HS6ST3: variants seen among roughly 807,000 people sequenced by gnomAD.
HS6ST3 encodes the protein heparan sulfate 6-O-sulfotransferase 3.
HS6ST3 carries 12 observed loss-of-function variants against 36.7 expected under a neutral mutation model. That is an observed-to-expected ratio of 0.33 (90% CI 0.21 to 0.53). The LOEUF is 0.53. Ranked by LOEUF, HS6ST3 falls within the 20% of genes least tolerant of loss-of-function variation. The pLI is 0.95. For missense variants in HS6ST3, 584 were observed against 640.9 expected (o/e 0.91, Z 0.96); for synonymous variants, 240 against 257.5 (o/e 0.93, Z 0.65).
chr13:96,498,108 C>G (rs2055986072), intron 1 of HS6ST3, among the ~76,000 whole-genome samples: 1 of 152,172 alleles, frequency 6.6e-6, no homozygotes, highest in African/African-American at 2.4e-5. Flanking sequence ...GAAGAACACA[C>G]AGTGTCCTCG....
At chr13:96,827,485 A>G (rs1246771584) in intron 1 of HS6ST3, among the ~76,000 whole-genome samples, 1 of 152,228 alleles carries the variant, frequency 6.6e-6, no homozygotes, top group Non-Finnish European at 1.5e-5. Flanking sequence ...ATTGAAACAA[A>G]CAAAATGTAC....
chr13:96,276,255 C>G (rs1236582524), intron 1 of HS6ST3, among the ~76,000 whole-genome samples: 1 of 152,150 alleles, frequency 6.6e-6, no homozygotes, highest in Non-Finnish European at 1.5e-5. Flanking sequence ...CTTGTTCCTC[C>G]CTCCAGCCCT....
chr13:96,667,198 C>T (rs2056666980), intron 1 of HS6ST3, among the ~76,000 whole-genome samples: 1 of 152,074 alleles, frequency 6.6e-6, no homozygotes, highest in South Asian at 2.1e-4. Flanking sequence ...AATATTAAAA[C>T]AGAGAAATAG....
At chr13:96,800,169 A>T (rs1278876326) in intron 1 of HS6ST3, among the ~76,000 whole-genome samples, 1 of 150,738 alleles carries the variant, frequency 6.6e-6, no homozygotes. Context: ...TAAGATGCAA[A>T]ATATTATTAC....
At chr13:96,521,097 A>G (rs1336343266) in intron 1 of HS6ST3, among the ~76,000 whole-genome samples, 2 of 152,164 alleles carry the variant, frequency 1.3e-5, no homozygotes, top group East Asian at 1.9e-4. Context: ...TTCTGCATCT[A>G]TTGAGATAAT....
At position 96,314,305 on chromosome 13, in the gene HS6ST3, A is replaced by T. The variant is rs116558465; in HGVS notation, c.707+222736A>T. Among the ~76,000 whole-genome samples the T allele has an allele frequency of 1.6e-3, 246 of 152,302 alleles. 1 individual carries two copies. The highest frequency in any genetic ancestry group is 5.8e-3 in the African/African-American group (243 of 41,552). On this transcript the variant is annotated intron_variant, in intron 1 of 1. Transcript: ENST00000376705. ...ACCCAGATATGAAATCCATTATCTT[A>T]CTTAGTTTCGACAAAGATACTCACA...
chr13:96,426,453 G>A (rs923152292), intron 1 of HS6ST3, among the ~76,000 whole-genome samples: 7 of 152,068 alleles, frequency 4.6e-5, no homozygotes, highest in African/African-American at 1.7e-4. Context: ...GTTTCTTTCT[G>A]TTTCATTCCT....
At chr13:96,299,432 C>T (rs1173435623) in intron 1 of HS6ST3, among the ~76,000 whole-genome samples, 1 of 152,140 alleles carries the variant, frequency 6.6e-6, no homozygotes, top group Non-Finnish European at 1.5e-5. Context: ...CCCACTGGTG[C>T]CACCTGAGCA....
At chr13:96,788,929 G>GT (rs1373758479) in intron 1 of HS6ST3, among the ~76,000 whole-genome samples, 1 of 151,818 alleles carries the variant, frequency 6.6e-6, no homozygotes, top group South Asian at 2.1e-4. Flanking sequence ...ATTTAAAGTA[G>GT]TTTTTTTATA....
intron 1 of HS6ST3, among the ~76,000 whole-genome samples, chr13:96,455,831 T>C (rs1307940421): frequency 4.6e-5 from 7 of 152,360 alleles, no homozygotes; most frequent in Non-Finnish European, 1.5e-5. Context: ...TCAAACTCTT[T>C]GATGCTGGCT....
At chr13:96,460,332 T>C (rs2055777851) in intron 1 of HS6ST3, among the ~76,000 whole-genome samples, 1 of 152,226 alleles carries the variant, frequency 6.6e-6, no homozygotes, top group African/African-American at 2.4e-5. Context: ...ATGTATCTGC[T>C]TCAAATTCTT....
At chr13:96,312,883 CG>C (rs1263105554) in intron 1 of HS6ST3, among the ~76,000 whole-genome samples, 1 of 130,824 alleles carries the variant, frequency 7.6e-6, no homozygotes, top group Non-Finnish European at 1.5e-5. Flanking sequence ...ACTTGGGGGG[CG>C]GAGGTTGCAG....
At chr13:96,759,173 G>A (rs777809925) in intron 1 of HS6ST3, among the ~76,000 whole-genome samples, 4 of 151,438 alleles carry the variant, frequency 2.6e-5, no homozygotes, top group Admixed American at 6.6e-5. Flanking sequence ...ATCCATCTGC[G>A]ACTTATACTT....
chr13:96,343,039 G>A (rs995927531), intron 1 of HS6ST3, among the ~76,000 whole-genome samples: 2 of 152,162 alleles, frequency 1.3e-5, no homozygotes, highest in African/African-American at 2.4e-5. Flanking sequence ...GTGGTGTCAT[G>A]GATACTTTCC....
chr13:96,556,563 T>C (rs1234013124), intron 1 of HS6ST3, among the ~76,000 whole-genome samples: 1 of 152,218 alleles, frequency 6.6e-6, no homozygotes, highest in Non-Finnish European at 1.5e-5. Flanking sequence ...TCATGATGTT[T>C]ACATTTGTCA....
intron 1 of HS6ST3, among the ~76,000 whole-genome samples, chr13:96,804,847 G>C (rs1878159136): frequency 6.6e-6 from 1 of 152,146 alleles, no homozygotes; most frequent in Non-Finnish European, 1.5e-5. Context: ...CACAGGAATT[G>C]TTCCTGCTTT....
chr13:96,616,623 C>T (rs1594819263), intron 1 of HS6ST3, among the ~76,000 whole-genome samples: 2 of 152,246 alleles, frequency 1.3e-5, no homozygotes, highest in Non-Finnish European at 2.9e-5. Context: ...TGCATGAGAA[C>T]ATTGGATCTC....
chr13:96,454,916 G>A (rs1196164015), intron 1 of HS6ST3, among the ~76,000 whole-genome samples: 1 of 149,976 alleles, frequency 6.7e-6, no homozygotes, highest in East Asian at 2.0e-4. Flanking sequence ...CCAAGCAGAA[G>A]AGTATACAAT....
At chr13:96,216,451 T>C (rs982475060) in intron 1 of HS6ST3, among the ~76,000 whole-genome samples, 1 of 152,198 alleles carries the variant, frequency 6.6e-6, no homozygotes, top group Non-Finnish European at 1.5e-5. Flanking sequence ...GGAGAAATAT[T>C]CTTTTGCTTA....
Sources: allele counts gnomAD v4.1 joint callset (sites outside exome capture counted in the v4.1 genomes callset), GRCh38; gene constraint gnomAD v4.1.1; transcripts MANE v1.5; gene names NCBI Gene and HGNC (gene_info 2026-07-23, HGNC 2026-07-21).